RGS12: variants seen among roughly 807,000 people sequenced by gnomAD.
The protein encoded by RGS12 is regulator of G protein signaling 12.
In RGS12, 66 loss-of-function variants were observed where a neutral mutation model predicts 120.1. That is an observed-to-expected ratio of 0.55 (90% CI 0.45 to 0.67). RGS12 has a LOEUF of 0.67. Ranked by LOEUF, RGS12 falls within the 30% of genes least tolerant of loss-of-function variation. RGS12 has a pLI of 0.00. For synonymous variants in RGS12, 827 were observed against 804.7 expected, an observed-to-expected ratio of 1.03 and a Z score of -0.47; for missense variants, 1,859 against 1,957.7, an observed-to-expected ratio of 0.95 and a Z score of 0.95.
the RGS12 span, among the ~76,000 whole-genome samples, chr4:3,287,919 G>A: frequency 6.6e-6 from 1 of 152,212 alleles, no homozygotes; most frequent in South Asian, 2.1e-4. Context: ...CAAACTCACC[G>A]GGCCCCACAC....
intron 3 of RGS12, among the ~76,000 whole-genome samples, chr4:3,364,925 G>T (rs967814662): frequency 6.6e-6 from 1 of 152,060 alleles, no homozygotes; most frequent in Non-Finnish European, 1.5e-5. Flanking sequence ...AGGAGGCTGG[G>T]CAGGGTGCGG....
At chr4:3,376,927 A>C (rs1717761856) in intron 3 of RGS12, among the ~76,000 whole-genome samples, 1 of 152,218 alleles carries the variant, frequency 6.6e-6, no homozygotes, top group Non-Finnish European at 1.5e-5. Flanking sequence ...TTCTGCATTT[A>C]GTCCAGCAAG....
intron 2 of RGS12, among the ~76,000 whole-genome samples, chr4:3,328,812 T>TA (rs1315652088): frequency 6.6e-6 from 1 of 152,176 alleles, no homozygotes; most frequent in East Asian, 1.9e-4. Flanking sequence ...TTAGAAAACT[T>TA]TTGACCTGGC....
intron 1 of RGS12, among the ~76,000 whole-genome samples, chr4:3,309,922 C>G (rs1281341706): frequency 7.5e-6 from 1 of 133,890 alleles, no homozygotes; most frequent in African/African-American, 2.9e-5. Flanking sequence ...GGAGCTGGGA[C>G]CCTGGAATGG....
intron 1 of RGS12, among the ~76,000 whole-genome samples, chr4:3,296,143 C>T (rs1233086484): frequency 1.3e-5 from 2 of 152,196 alleles, no homozygotes; most frequent in Non-Finnish European, 2.9e-5. Context: ...CTCCCGGCTC[C>T]TGCCCTGCCT....
intron 2 of RGS12, among the ~76,000 whole-genome samples, chr4:3,327,862 T>G (rs926427195): frequency 1.3e-5 from 2 of 152,234 alleles, no homozygotes; most frequent in African/African-American, 4.8e-5. Flanking sequence ...AGCTACCATT[T>G]GAGCCAGCAA....
At chr4:3,303,932 T>C (rs1282709781) in intron 1 of RGS12, among the ~76,000 whole-genome samples, 1 of 152,110 alleles carries the variant, frequency 6.6e-6, no homozygotes, top group Non-Finnish European at 1.5e-5. Flanking sequence ...CCCCTAATCA[T>C]TCATGTTTGC....
chr4:3,435,603 T>G (rs1252199958), intron 17 of RGS12, among the ~76,000 whole-genome samples: 1 of 142,600 alleles, frequency 7.0e-6, no homozygotes, highest in African/African-American at 2.7e-5. Flanking sequence ...CAGCATCTCC[T>G]GGCTCCTGCC....
At chr4:3,359,832 AG>A (rs1196083494) in intron 3 of RGS12, among the ~76,000 whole-genome samples, 1 of 152,074 alleles carries the variant, frequency 6.6e-6, no homozygotes, top group Non-Finnish European at 1.5e-5. Context: ...CATGTTGGCC[AG>A]GCTGGTCTCG....
rs1326662753 is a variant in RGS12, at chr4:3,316,702, C to T, written c.532C>T (p.Arg178Ter). The T allele has an allele frequency of 1.2e-6, 2 of 1,614,130 alleles. No homozygotes were observed. The highest frequency in any genetic ancestry group is 1.7e-5 in the Admixed American group (1 of 60,016). ...QRSLSESAATRFDVGHESINN... is the reference protein window; with the variant it reads ...QRSLSESAAT ...ATCCCTTTCAGAGTCGGCCGCAACT[C>T]GATTTGATGTTGGACATGAAAGTAT... Residue 178 changes from arginine to a stop codon, truncating the protein, a stop_gained, in exon 2 of 18, where the codon CGA becomes TGA. Transcript: ENST00000336727. LOFTEE classifies it high-confidence loss of function.
At chr4:3,328,822 CTGCCCTGGTTCTT>C (rs1711525166) in intron 2 of RGS12, among the ~76,000 whole-genome samples, 1 of 152,186 alleles carries the variant, frequency 6.6e-6, no homozygotes, top group South Asian at 2.1e-4. Context: ...TTTGACCTGG[CTGCCCTGGTTCTT>C]CAAACTACAT....
intron 3 of RGS12, among the ~76,000 whole-genome samples, chr4:3,362,305 C>G (rs1041910732): frequency 6.6e-6 from 1 of 152,144 alleles, no homozygotes; most frequent in African/African-American, 2.4e-5. Context: ...CCTTAGCTGT[C>G]CTGACCAGTG....
intron 3 of RGS12, among the ~76,000 whole-genome samples, chr4:3,356,264 A>G (rs1275880767): frequency 6.6e-6 from 1 of 152,072 alleles, no homozygotes; most frequent in African/African-American, 2.4e-5. Flanking sequence ...CATCTTGTCC[A>G]GGATGGTCTC....
intron 4 of RGS12, among the ~76,000 whole-genome samples, chr4:3,395,617 A>G (rs1182280076): frequency 6.6e-6 from 1 of 152,212 alleles, no homozygotes; most frequent in African/African-American, 2.4e-5. Flanking sequence ...CTGTAGCCAC[A>G]TACATAGGGC....
rs570199511 is a variant in RGS12, at chr4:3,430,685, C to G, written c.3844C>G (p.Pro1282Ala). Reference sequence around the variant, plus strand: ...CAGCCCGGGCTCAGCCTCCAGCCCCCCTGGACCTCCTGGGACGACCCCCCC... The same window carrying G: ...CAGCCCGGGCTCAGCCTCCAGCCCCGCTGGACCTCCTGGGACGACCCCCCC... ...STSPGSASSP[P>A]GPPGTTPPGQ... Residue 1282 changes from proline to alanine, a missense_variant, in exon 17 of 18, where the codon CCT (proline) becomes GCT (alanine). By Grantham distance (27) the Pro-to-Ala change is conservative (BLOSUM62 -1). Transcript: ENST00000336727. The G allele has an allele frequency of 9.5e-6, 15 of 1,578,846 alleles. No individual in the cohort carries two copies. The highest frequency in any genetic ancestry group is 6.7e-5 in the African/African-American group (5 of 74,284).
chr4:3,348,558 G>C (rs1164784488), intron 3 of RGS12, among the ~76,000 whole-genome samples: 1 of 152,224 alleles, frequency 6.6e-6, no homozygotes, highest in Non-Finnish European at 1.5e-5. Flanking sequence ...GAATGTCAAT[G>C]TGACAGTTAG....
Position 3,316,758 on chromosome 4 carries a change from G to A in RGS12, c.588G>A (p.Lys196=). 1 of 1,614,214 alleles carries A rather than the reference G, an allele frequency of 6.2e-7. No homozygotes were observed. The highest frequency in any genetic ancestry group is 1.3e-5 in the African/African-American group (1 of 75,078). The change falls in exon 2 of 18, where the codon AAG becomes AAA. Residue 196 remains lysine (K), a synonymous_variant. Coordinates refer to ENST00000336727, the MANE Select transcript of RGS12 (RefSeq NM_001394154.1). ...ATCCAAATCCCAACATGCTTTCTAA[G>A]GAGGAAATATCAAAAGTTATTCATG... ...INNPNPNMLS[K]EEISKVIHDD...
At chr4:3,291,165 T>G (rs146792024), upstream of RGS12, among the ~76,000 whole-genome samples, 265 of 152,278 alleles carry the variant, frequency 1.7e-3, 1 homozygote, top group South Asian at 3.3e-3. Flanking sequence ...GCAGGTGGTG[T>G]TTCCCCATCT....
intron 4 of RGS12, among the ~76,000 whole-genome samples, chr4:3,400,522 A>G (rs1404250617): frequency 1.3e-5 from 2 of 152,022 alleles, no homozygotes; most frequent in African/African-American, 2.4e-5. Context: ...AGGAGCATCT[A>G]ATAGAATTAC....
Sources: allele counts gnomAD v4.1 joint callset (sites outside exome capture counted in the v4.1 genomes callset), GRCh38; gene constraint gnomAD v4.1.1; transcripts MANE v1.5; gene names NCBI Gene and HGNC (gene_info 2026-07-23, HGNC 2026-07-21).